Variants in TAOK3 observed in about 807,000 individuals in gnomAD.
TAOK3 encodes the protein TAO kinase 3, also known as serine/threonine-protein kinase TAO3.
TAOK3 carries 40 observed loss-of-function variants against 120.4 expected under a neutral mutation model. The observed-to-expected ratio is 0.33, with a 90% CI of 0.26 to 0.43. TAOK3 has a LOEUF of 0.43. TAOK3 is among the 20% of genes least tolerant of loss of function. TAOK3 has a pLI of 1.00. For missense variants in TAOK3, 821 were observed against 1,112.1 expected (o/e 0.74, Z 3.72); for synonymous variants, 355 against 387.5 (o/e 0.92, Z 0.99).
At chr12:118,181,135 A>G (rs377239580) in intron 15 of TAOK3, among the ~76,000 whole-genome samples, 5 of 152,144 alleles carry the variant, frequency 3.3e-5, no homozygotes, top group Admixed American at 2.6e-4. Flanking sequence ...GTGAGCCACC[A>G]CGCCTGGCCT....
intron 13 of TAOK3, 91 bp downstream of exon 13, chr12:118,198,960 G>A: frequency 6.9e-7 from 1 of 1,440,492 alleles, no homozygotes; most frequent in Non-Finnish European, 9.7e-7. Flanking sequence ...GTTGCAAAAA[G>A]GTAACTGAAA....
At chr12:118,275,725 C>T (rs963188920) in intron 1 of TAOK3, among the ~76,000 whole-genome samples, 27 of 152,220 alleles carry the variant, frequency 1.8e-4, no homozygotes, top group Admixed American at 5.9e-4. Flanking sequence ...TTCCTGTTCT[C>T]ATACAGCTTA....
chr12:118,190,652 T>A (rs1239136023), intron 13 of TAOK3: 1 of 152,234 alleles, frequency 6.6e-6, no homozygotes. Flanking sequence ...ATCGGTATGG[T>A]CACCAGAGTG....
chr12:118,177,932 A>C (rs2036451510), intron 15 of TAOK3, among the ~76,000 whole-genome samples: 1 of 152,212 alleles, frequency 6.6e-6, no homozygotes, highest in African/African-American at 2.4e-5. Flanking sequence ...CATTCATGGG[A>C]TGAAAGGAGA....
intron 9 of TAOK3, among the ~76,000 whole-genome samples, chr12:118,226,840 T>C (rs952571420): frequency 2.6e-5 from 4 of 152,148 alleles, no homozygotes; most frequent in Non-Finnish European, 4.4e-5. Flanking sequence ...AGAAAGCACA[T>C]ATAAGGGGCT....
chr12:118,174,174 T>A (rs1215143435), intron 16 of TAOK3, among the ~76,000 whole-genome samples: 1 of 152,222 alleles, frequency 6.6e-6, no homozygotes. Flanking sequence ...TCTATCATTC[T>A]GTATTAGATA....
intron 1 of TAOK3, among the ~76,000 whole-genome samples, chr12:118,310,530 T>C (rs935427234): frequency 6.6e-6 from 1 of 152,192 alleles, no homozygotes; most frequent in Non-Finnish European, 1.5e-5. Context: ...AAATCAGCAA[T>C]ATTACATCTG....
chr12:118,266,874 T>A (rs1010855064), intron 1 of TAOK3, 115 bp from the exon 2 acceptor site: 2 of 372,896 alleles, frequency 5.4e-6, no homozygotes, highest in African/African-American at 4.2e-5. Context: ...TAAAATTTTA[T>A]CTTCATCTGT....
chr12:118,201,305 C>T lies in TAOK3; in HGVS notation c.978G>A (p.Glu326=). The change falls in exon 12 of 21, where the codon GAG becomes GAA. Residue 326 remains glutamate, a synonymous_variant. Transcript: ENST00000392533. ...AATAAATTGAACCTACTTCCTCATCCTCCTGTGACTCATTCAAGGGTCCAT... is the reference window on the plus strand; with the variant it reads ...AATAAATTGAACCTACTTCCTCATCTTCCTGTGACTCATTCAAGGGTCCAT... ...TRNGPLNESQ[E]DEEDSEHGTS... is the part of the protein sequence containing the mutation. The T allele has an allele frequency of 1.4e-5, 23 of 1,612,312 alleles. No homozygotes were observed. The highest frequency in any genetic ancestry group is 1.9e-5 in the Non-Finnish European group (22 of 1,179,304).
chr12:118,361,210 AAAAGCCATGT>A (rs1477981311), intron 1 of TAOK3, among the ~76,000 whole-genome samples: 1 of 152,188 alleles, frequency 6.6e-6, no homozygotes, highest in Non-Finnish European at 1.5e-5. Flanking sequence ...TTTAATGCCT[AAAAGCCATGT>A]CATCAAGCTT....
chr12:118,168,709 A>G (rs1347611650), intron 17 of TAOK3, among the ~76,000 whole-genome samples: 1 of 152,202 alleles, frequency 6.6e-6, no homozygotes, highest in Admixed American at 6.5e-5. Context: ...GCTAGAACCT[A>G]ATACTAATGA....
At chr12:118,202,773 CTTT>C (rs58282262) in intron 11 of TAOK3, among the ~76,000 whole-genome samples, 3 of 100,636 alleles carry the variant, frequency 3.0e-5, no homozygotes, top group African/African-American at 4.1e-5. Flanking sequence ...ATAGTCTATT[CTTT>C]TTTTTTTTTT....
At chr12:118,217,811 G>GTGTGTATATATATATATATATATATA (rs1353848789) in intron 9 of TAOK3, among the ~76,000 whole-genome samples, 1 of 75,402 alleles carries the variant, frequency 1.3e-5, no homozygotes, top group Non-Finnish European at 2.6e-5. Context: ...GTGTGTGTGT[G>GTGTGTATATATATATATATATATATA]TATACATATA....
intron 1 of TAOK3, among the ~76,000 whole-genome samples, chr12:118,369,004 G>GAAAAA (rs975694288): frequency 2.9e-4 from 20 of 69,374 alleles, no homozygotes; most frequent in African/African-American, 9.4e-4. Flanking sequence ...ACTAAAAATA[G>GAAAAA]AAAAAAAAAA....
At chr12:118,256,270 G>T (rs973802986) in intron 2 of TAOK3, among the ~76,000 whole-genome samples, 7 of 152,168 alleles carry the variant, frequency 4.6e-5, no homozygotes, top group Admixed American at 6.5e-5. Context: ...TAAGATAAGT[G>T]TTTGTGAAAA....
rs140906102 is a variant in TAOK3 at position 118,323,303 on chromosome 12, A to G, written c.-194+49345T>C. ...AACCAAATACACATAGATATTTAAT[A>G]TATATGTTGCCTCTAAAATCAGGGT... On this transcript the variant is annotated intron_variant, in intron 1 of 20. Transcript: ENST00000392533. Among the ~76,000 whole-genome samples the G allele has an allele frequency of 5.9e-5, 9 of 152,336 alleles. No individual in the cohort carries two copies. In the East Asian group the frequency reaches 1.7e-3, roughly 29 times the overall value.
intron 14 of TAOK3, among the ~76,000 whole-genome samples, chr12:118,188,192 T>C (rs986134240): frequency 6.6e-6 from 1 of 152,238 alleles, no homozygotes; most frequent in Non-Finnish European, 1.5e-5. Flanking sequence ...CTTGTTATCA[T>C]TTCCCCACTC....
At chr12:118,302,131 A>T (rs1042275097) in intron 1 of TAOK3, among the ~76,000 whole-genome samples, 2 of 152,180 alleles carry the variant, frequency 1.3e-5, no homozygotes, top group African/African-American at 4.8e-5. Flanking sequence ...TGGAGAAAGT[A>T]CAGCATGCAT....
At chr12:118,168,350 C>T (rs1341837712) in intron 17 of TAOK3, among the ~76,000 whole-genome samples, 1 of 152,166 alleles carries the variant, frequency 6.6e-6, no homozygotes, top group Non-Finnish European at 1.5e-5. Context: ...CTACTCAACC[C>T]CATGCACACA....
Sources: allele counts gnomAD v4.1 joint callset (sites outside exome capture counted in the v4.1 genomes callset), GRCh38; gene constraint gnomAD v4.1.1; transcripts MANE v1.5; gene names NCBI Gene and HGNC (gene_info 2026-07-23, HGNC 2026-07-21).